LRP1B: variants seen among roughly 807,000 people sequenced by gnomAD.
LRP1B encodes the protein low-density lipoprotein receptor-related protein 1B.
LRP1B carries 217 observed loss-of-function variants against 556.6 expected under a neutral mutation model. That is an observed-to-expected ratio of 0.39 (90% CI 0.35 to 0.44). LRP1B has a LOEUF of 0.44. LRP1B is among the 20% of genes least tolerant of loss of function. The probability of loss-of-function intolerance (pLI) is 1.00; values close to 1 mark genes in which losing one functional copy is unlikely to be tolerated. For synonymous variants in LRP1B, 2,047 were observed against 1,865.8 expected (o/e 1.10, Z -2.50); for missense variants, 5,053 against 5,620.8 (o/e 0.90, Z 3.23).
intron 3 of LRP1B, among the ~76,000 whole-genome samples, chr2:141,411,006 T>C (rs1274680657): frequency 6.6e-6 from 1 of 152,066 alleles, no homozygotes; most frequent in African/African-American, 2.4e-5. Context: ...AATATTTAAG[T>C]ATTAACAATT....
chr2:141,072,896 T>A (rs764919194), intron 7 of LRP1B, among the ~76,000 whole-genome samples: 6 of 152,184 alleles, frequency 3.9e-5, no homozygotes, highest in Non-Finnish European at 8.8e-5. Context: ...GAAGCAAGCA[T>A]CCTCTCTTTT....
intron 1 of LRP1B, among the ~76,000 whole-genome samples, chr2:141,905,769 G>GGGAC (rs1699738816): frequency 3.0e-5 from 4 of 134,574 alleles, no homozygotes; most frequent in Admixed American, 1.5e-4. Context: ...GAATAGATGT[G>GGGAC]TGTGTGTGTG....
In LRP1B at chr2:140,705,501, G is replaced by A. The variant is rs144601013; in HGVS notation, c.6024-2948C>T. ...ATCACACCATTGCACTCCAGCATGGGGAACAGAGTGAGACTGTCTCAAAAA... is the reference window on the plus strand; with the variant it reads ...ATCACACCATTGCACTCCAGCATGGAGAACAGAGTGAGACTGTCTCAAAAA... On this transcript the variant is annotated intron_variant, in intron 37 of 90. Coordinates refer to ENST00000389484, the MANE Select transcript of LRP1B (RefSeq NM_018557.3). 4.5e-3 allele frequency among the ~76,000 whole-genome samples: 520 copies of A among 114,764 alleles called. 4 individuals are homozygous for A. Among genetic ancestry groups the A allele is most frequent in the African/African-American group, 0.016 (454 of 29,120 alleles). The allele number at this position is 114,764 out of a possible 152,430, so 75.3% of individuals were successfully genotyped here.
intron 2 of LRP1B, among the ~76,000 whole-genome samples, chr2:141,562,134 A>G (rs1485167847): frequency 6.6e-6 from 1 of 151,952 alleles, no homozygotes; most frequent in African/African-American, 2.4e-5. Flanking sequence ...AATAATAGGT[A>G]AGTTATATAA....
At chr2:140,280,266 A>C (rs1284027548) in intron 84 of LRP1B, among the ~76,000 whole-genome samples, 1 of 151,832 alleles carries the variant, frequency 6.6e-6, no homozygotes, top group Non-Finnish European at 1.5e-5. Flanking sequence ...AGTAATTAGT[A>C]GCACTAAAAT....
At chr2:140,498,012 CA>C (rs2104880278) in intron 55 of LRP1B, among the ~76,000 whole-genome samples, 1 of 151,810 alleles carries the variant, frequency 6.6e-6, no homozygotes, top group African/African-American at 2.4e-5. Context: ...TTTTTGGTCT[CA>C]AATAATAAAA....
chr2:141,371,666 A>G lies in LRP1B; in HGVS notation c.343+108730T>C, dbSNP rs965762058. On this transcript the variant is annotated intron_variant, in intron 3 of 90. Coordinates refer to ENST00000389484, the MANE Select transcript of LRP1B (RefSeq NM_018557.3). ...TGCCTTCTTGATTTGGTCCTTGGCT[A>G]GATCATTATTAGTATATAGAAATGT... Among the ~76,000 whole-genome samples, 3 of 152,098 alleles carry G rather than the reference A, an allele frequency of 2.0e-5. No homozygotes were observed. In the East Asian group the frequency reaches 5.8e-4, roughly 29 times the overall value.
At chr2:141,888,239 A>G (rs2104907722) in intron 1 of LRP1B, among the ~76,000 whole-genome samples, 1 of 152,320 alleles carries the variant, frequency 6.6e-6, no homozygotes, top group East Asian at 1.9e-4. Context: ...TCAAAAGAGT[A>G]TTGTATTGCT....
At chr2:140,346,259 A>T (rs76363106) in intron 77 of LRP1B, among the ~76,000 whole-genome samples, 3,070 of 151,768 alleles carry the variant, frequency 0.02, 35 homozygotes, top group African/African-American at 0.028. Context: ...CCTCAGCATA[A>T]TTTATTGTAG....
intron 35 of LRP1B, among the ~76,000 whole-genome samples, chr2:140,755,895 T>C (rs1688727931): frequency 6.6e-6 from 1 of 151,954 alleles, no homozygotes; most frequent in Admixed American, 6.6e-5. Context: ...AAAAGGCACC[T>C]AAGTTGGAAA....
At chr2:141,070,289 A>G (rs1041662989) in intron 7 of LRP1B, among the ~76,000 whole-genome samples, 22 of 150,388 alleles carry the variant, frequency 1.5e-4, no homozygotes, top group African/African-American at 4.4e-4. Flanking sequence ...AGAAATAAAG[A>G]TATTCTTTGA....
At chr2:141,631,538 CA>C (rs71391663) in intron 2 of LRP1B, among the ~76,000 whole-genome samples, 5,772 of 92,574 alleles carry the variant, frequency 0.062, 108 homozygotes, top group East Asian at 0.13. Context: ...ACCAGTTTTC[CA>C]AAAAAAAAAA....
At chr2:141,875,395 G>A (rs1422469540) in intron 1 of LRP1B, among the ~76,000 whole-genome samples, 1 of 151,568 alleles carries the variant, frequency 6.6e-6, no homozygotes, top group African/African-American at 2.4e-5. Flanking sequence ...TAACCTACAG[G>A]CAAACACTAT....
chr2:141,997,174 T>A (rs1023711062), intron 1 of LRP1B, among the ~76,000 whole-genome samples: 8 of 123,392 alleles, frequency 6.5e-5, no homozygotes, highest in African/African-American at 2.5e-4. Flanking sequence ...CTGACACTAG[T>A]TCAGTAGCTA....
chr2:140,989,326 T>C (rs564504137), intron 17 of LRP1B, among the ~76,000 whole-genome samples: 6 of 152,100 alleles, frequency 3.9e-5, no homozygotes, highest in African/African-American at 1.4e-4. Flanking sequence ...GCCAAATTAG[T>C]CTGGAAAGCA....
Position 140,472,614 on chromosome 2 carries a change from T to C in LRP1B, c.9625+2524A>G, listed in dbSNP as rs1023409855. The stretch of plus-strand genomic sequence containing the variant: ...GCTCTCAAACAAATTGTAAGGCACA[T>C]GTACCTTGGAGATAATCTGAACTTT... On this transcript the variant is annotated intron_variant, in intron 60 of 90. Transcript: ENST00000389484. Among the ~76,000 whole-genome samples, 12 of 152,212 alleles carry C rather than the reference T, an allele frequency of 7.9e-5. No homozygotes were observed. The East Asian group carries it at 2.3e-3, about 29-fold the overall frequency.
chr2:141,290,044 A>G (rs1471083463), intron 3 of LRP1B, among the ~76,000 whole-genome samples: 1 of 152,206 alleles, frequency 6.6e-6, no homozygotes, highest in Non-Finnish European at 1.5e-5. Context: ...CAAACTTCAC[A>G]AGTAAAGGAA....
intron 2 of LRP1B, among the ~76,000 whole-genome samples, chr2:141,594,410 TG>T (rs1326525467): frequency 6.6e-6 from 1 of 152,028 alleles, no homozygotes; most frequent in Admixed American, 6.6e-5. Context: ...TCAAAAGAAC[TG>T]AGCAAAATAT....
chr2:141,722,301 C>T (rs1463013605), intron 2 of LRP1B, among the ~76,000 whole-genome samples: 1 of 152,108 alleles, frequency 6.6e-6, no homozygotes, highest in Non-Finnish European at 1.5e-5. Flanking sequence ...TCGCTTGAAC[C>T]TGGGAGGTGG....
Sources: gnomAD v4.1 joint callset for allele counts (sites outside exome capture counted in the v4.1 genomes callset) on GRCh38, gnomAD v4.1.1 for gene constraint, MANE v1.5 for transcripts, NCBI Gene and HGNC (gene_info 2026-07-23, HGNC 2026-07-21) for gene names.